Variants in LRRC4C observed in about 807,000 individuals in gnomAD.
The protein encoded by LRRC4C is leucine-rich repeat-containing protein 4C.
Under a neutral mutation model 33.6 loss-of-function variants are expected in LRRC4C, and 5 were observed. The ratio of observed to expected loss-of-function variants is 0.15; its 90% confidence interval spans 0.08 to 0.31. LRRC4C has a LOEUF of 0.31. Ranked by LOEUF, LRRC4C falls within the 10% of genes least tolerant of loss-of-function variation. The pLI is 1.00. For synonymous variants in LRRC4C, 329 were observed against 302.0 expected, an observed-to-expected ratio of 1.09 and a Z score of -0.93; for missense variants, 560 against 796.7, an observed-to-expected ratio of 0.70 and a Z score of 3.58.
chr11:40,763,469 C>CTTTGTTGGATATT (rs1425307342), intron 2 of LRRC4C, among the ~76,000 whole-genome samples: 1 of 152,114 alleles, frequency 6.6e-6, no homozygotes, highest in Admixed American at 6.6e-5. Flanking sequence ...CAAATATCCA[C>CTTTGTTGGATATT]ATAAAAAAGC....
intron 1 of LRRC4C, among the ~76,000 whole-genome samples, chr11:41,172,463 C>T (rs902373212): frequency 2.6e-5 from 4 of 152,146 alleles, no homozygotes; most frequent in Non-Finnish European, 5.9e-5. Context: ...TCCTTTCCTT[C>T]AAAGGTCACT....
intron 3 of LRRC4C, among the ~76,000 whole-genome samples, chr11:40,526,509 A>G (rs1956056936): frequency 6.6e-6 from 1 of 152,160 alleles, no homozygotes. Flanking sequence ...AGGGAAATAC[A>G]AATTGAAACT....
chr11:40,302,947 A>C (rs1281643701), intron 4 of LRRC4C, among the ~76,000 whole-genome samples: 1 of 152,198 alleles, frequency 6.6e-6, no homozygotes, highest in Non-Finnish European at 1.5e-5. Flanking sequence ...CTGGAACTTA[A>C]GGGAAATGTG....
intron 2 of LRRC4C, among the ~76,000 whole-genome samples, chr11:40,654,920 T>C (rs199609936): frequency 6.6e-6 from 1 of 152,310 alleles, no homozygotes; most frequent in East Asian, 1.9e-4. Context: ...TCACAAGATC[T>C]GATGGTTTTT....
chr11:41,256,623 A>G (rs909951995), intron 1 of LRRC4C, among the ~76,000 whole-genome samples: 6 of 152,026 alleles, frequency 3.9e-5, no homozygotes, highest in Non-Finnish European at 4.4e-5. Context: ...TCATATGTAG[A>G]AAGGAGATTT....
intron 3 of LRRC4C, among the ~76,000 whole-genome samples, chr11:40,408,389 A>G (rs1169969548): frequency 6.6e-6 from 1 of 151,964 alleles, no homozygotes; most frequent in East Asian, 1.9e-4. Flanking sequence ...AACACCTAAC[A>G]CATTTAGAAG....
At chr11:41,152,003 C>T (rs1436876319) in intron 1 of LRRC4C, among the ~76,000 whole-genome samples, 1 of 152,194 alleles carries the variant, frequency 6.6e-6, no homozygotes, top group Non-Finnish European at 1.5e-5. Flanking sequence ...CACCCAGACA[C>T]ATCCACTACC....
intron 2 of LRRC4C, among the ~76,000 whole-genome samples, chr11:40,844,842 A>G (rs1353822344): frequency 1.3e-5 from 2 of 152,194 alleles, no homozygotes; most frequent in African/African-American, 4.8e-5. Flanking sequence ...GAAGATTTTA[A>G]GTGTTCTTAC....
chr11:40,296,769 A>T (rs542715045), intron 4 of LRRC4C, among the ~76,000 whole-genome samples: 1 of 152,244 alleles, frequency 6.6e-6, no homozygotes, highest in Non-Finnish European at 1.5e-5. Context: ...GTTGCCAGGT[A>T]CTATTAACAA....
chr11:40,697,509 A>C (rs918621551), intron 2 of LRRC4C, among the ~76,000 whole-genome samples: 1 of 152,208 alleles, frequency 6.6e-6, no homozygotes, highest in African/African-American at 2.4e-5. Flanking sequence ...CAAGACAGGA[A>C]AAATCAGAGG....
chr11:40,704,975 C>T (rs754224976), intron 2 of LRRC4C, among the ~76,000 whole-genome samples: 3 of 152,104 alleles, frequency 2.0e-5, no homozygotes, highest in Middle Eastern at 3.4e-3. Context: ...GAATCCAGAA[C>T]AATACTAATG....
At chr11:40,730,625 G>A (rs1353736740) in intron 2 of LRRC4C, among the ~76,000 whole-genome samples, 3 of 152,074 alleles carry the variant, frequency 2.0e-5, no homozygotes, top group Non-Finnish European at 2.9e-5. Flanking sequence ...CCAACACATC[G>A]TCTCTTTCAC....
At chr11:41,178,028 T>C (rs1248373938) in intron 1 of LRRC4C, among the ~76,000 whole-genome samples, 3 of 152,190 alleles carry the variant, frequency 2.0e-5, no homozygotes, top group Non-Finnish European at 4.4e-5. Context: ...TGTCACCTCC[T>C]ATTTAGTGCA....
At position 41,436,768 on chromosome 11, in the gene LRRC4C, C is replaced by G. The variant is rs867189445; in HGVS notation, c.-496+22663G>C. ...AGACCACAACACAGCATCAAATGAC[C>G]TATACCAACGTTTCTCAAAAGCTGA... On this transcript the variant is annotated intron_variant, in intron 1 of 6. Coordinates refer to ENST00000528697, the MANE Select transcript of LRRC4C (RefSeq NM_001258419.2). Among the ~76,000 whole-genome samples the G allele has an allele frequency of 3.9e-4, 60 of 152,284 alleles. 1 individual carries two copies. The highest frequency in any genetic ancestry group is 1.3e-3 in the African/African-American group (54 of 41,560).
intron 3 of LRRC4C, among the ~76,000 whole-genome samples, chr11:40,551,855 T>A (rs1591080953): frequency 6.6e-6 from 1 of 152,332 alleles, no homozygotes; most frequent in Non-Finnish European, 1.5e-5. Context: ...GGTATCCAGA[T>A]ATTTGGTGAA....
chr11:41,205,884 T>C (rs1244438574), intron 1 of LRRC4C, among the ~76,000 whole-genome samples: 1 of 152,134 alleles, frequency 6.6e-6, no homozygotes, highest in Non-Finnish European at 1.5e-5. Context: ...AAAGGCAGAA[T>C]TTAAACCAAG....
At chr11:40,923,684 T>C (rs1187197154) in intron 2 of LRRC4C, among the ~76,000 whole-genome samples, 1 of 152,182 alleles carries the variant, frequency 6.6e-6, no homozygotes, top group Non-Finnish European at 1.5e-5. Context: ...CTAAACTAGT[T>C]TATTTGGACT....
rs1031827047 is a variant in LRRC4C, at chr11:40,280,713, C to T, written c.-176+38915G>A. Among the ~76,000 whole-genome samples, 3 of 152,160 alleles carry T rather than the reference C, an allele frequency of 2.0e-5. No homozygotes were observed. The South Asian group carries it at 6.2e-4, about 32-fold the overall frequency. On this transcript the variant is annotated intron_variant, in intron 4 of 6. Coordinates refer to ENST00000528697, the MANE Select transcript of LRRC4C (RefSeq NM_001258419.2). ...TAAAGTCATTGTTCTTTCTAATTGT[C>T]AGAGACTGCTGCTCTGCACTTGCCT... is the stretch of plus-strand genomic sequence containing the variant.
chr11:40,861,296 G>A (rs1243938811), intron 2 of LRRC4C, among the ~76,000 whole-genome samples: 1 of 152,130 alleles, frequency 6.6e-6, no homozygotes, highest in Non-Finnish European at 1.5e-5. Flanking sequence ...GAACAGAAAG[G>A]TGTCAGCTCC....
Sources: gnomAD v4.1 joint callset for allele counts (sites outside exome capture counted in the v4.1 genomes callset) on GRCh38, gnomAD v4.1.1 for gene constraint, MANE v1.5 for transcripts, NCBI Gene and HGNC (gene_info 2026-07-23, HGNC 2026-07-21) for gene names.